Variants in RBFOX1 observed in about 807,000 individuals in gnomAD.
The protein encoded by RBFOX1 is RNA binding protein fox-1 homolog 1.
A neutral mutation model predicts 57.7 loss-of-function variants in RBFOX1; 8 were observed. The ratio of observed to expected loss-of-function variants is 0.14; its 90% CI spans 0.08 to 0.25. The LOEUF (loss-of-function observed/expected upper bound fraction) is 0.25. RBFOX1 is among the 10% of genes least tolerant of loss of function. The pLI is 1.00. For missense variants in RBFOX1, 611 were observed against 548.5 expected, an observed-to-expected ratio of 1.11 and a Z score of -1.14; for synonymous variants, 326 against 222.4, an observed-to-expected ratio of 1.47 and a Z score of -4.15.
In RBFOX1 at chr16:6,097,493, C is replaced by T. The variant is rs1262530256; in HGVS notation, c.-127+77501C>T. Among the ~76,000 whole-genome samples, 1 of 152,174 alleles carries T rather than the reference C, an allele frequency of 6.6e-6. No individual in the cohort carries two copies. Among genetic ancestry groups the T allele is most frequent in the Non-Finnish European group, 1.5e-5 (1 of 68,034 alleles). On this transcript the variant is annotated intron_variant, in intron 1 of 15. Transcript: ENST00000550418. The surrounding 1 kb of genome is among the most constrained non-coding windows in gnomAD (Gnocchi z 5.0). ...CCTACAGAAGCAGAATCTCTGGTGG[C>T]AGGAACCAGCAATCTGTGCTTTCAA...
At chr16:6,511,280 G>C (rs1469149248) in intron 2 of RBFOX1, among the ~76,000 whole-genome samples, 1 of 152,128 alleles carries the variant, frequency 6.6e-6, no homozygotes, top group African/African-American at 2.4e-5. Context: ...GGGAGGAATA[G>C]GCCAGTGTGC....
chr16:5,462,308 A>G (rs529349450), intron 1 of RBFOX1, among the ~76,000 whole-genome samples: 1 of 151,556 alleles, frequency 6.6e-6, no homozygotes, highest in African/African-American at 2.4e-5. Flanking sequence ...AGCTGGGACT[A>G]CAGGGGCCCG....
At chr16:7,086,534 A>T (rs2060003299) in intron 4 of RBFOX1, among the ~76,000 whole-genome samples, 1 of 152,196 alleles carries the variant, frequency 6.6e-6, no homozygotes, top group South Asian at 2.1e-4. Context: ...TTTAAAATGG[A>T]TTAAAAAGAA....
intron 4 of RBFOX1, among the ~76,000 whole-genome samples, chr16:7,304,915 GGTGTGTGTGTGT>G (rs59599069): frequency 0.022 from 3,090 of 140,520 alleles, 45 homozygotes; most frequent in African/African-American, 0.032. Flanking sequence ...TGTGTGGTGT[GGTGTGTGTGTGT>G]GTGTGTGTGT....
intron 4 of RBFOX1, among the ~76,000 whole-genome samples, chr16:7,099,743 A>C (rs548178795): frequency 6.6e-6 from 1 of 152,182 alleles, no homozygotes; most frequent in African/African-American, 2.4e-5. Flanking sequence ...AGGTGTTTCC[A>C]GGTCATAGGT....
At chr16:6,876,932 T>TC (rs2061957201) in intron 3 of RBFOX1, among the ~76,000 whole-genome samples, 1 of 152,210 alleles carries the variant, frequency 6.6e-6, no homozygotes, top group African/African-American at 2.4e-5. Context: ...TGACCTTTTT[T>TC]CAAGTTTCTC....
At chr16:5,434,485 C>A (rs1320508488) in intron 1 of RBFOX1, among the ~76,000 whole-genome samples, 2 of 151,722 alleles carry the variant, frequency 1.3e-5, no homozygotes, top group African/African-American at 4.8e-5. Context: ...CCATGCCCAG[C>A]TAATTTTTGT....
intron 1 of RBFOX1, among the ~76,000 whole-genome samples, chr16:6,291,615 G>T (rs1341314841): frequency 6.6e-6 from 1 of 152,150 alleles, no homozygotes; most frequent in Non-Finnish European, 1.5e-5. Context: ...TTGCCCGCCT[G>T]AGGCAAATGC....
intron 1 of RBFOX1, among the ~76,000 whole-genome samples, chr16:5,251,110 G>T (rs1194107489): frequency 6.9e-6 from 1 of 144,276 alleles, no homozygotes; most frequent in African/African-American, 2.5e-5. Flanking sequence ...ACTTGTCCCC[G>T]CAGACCCTGC....
intron 3 of RBFOX1, among the ~76,000 whole-genome samples, chr16:6,805,289 CA>C (rs1265670073): frequency 6.6e-6 from 1 of 151,926 alleles, no homozygotes; most frequent in Non-Finnish European, 1.5e-5. Flanking sequence ...ATGACAGGAA[CA>C]AAAAAACAAA....
intron 4 of RBFOX1, among the ~76,000 whole-genome samples, chr16:7,497,269 C>A (rs897520981): frequency 6.6e-6 from 1 of 152,140 alleles, no homozygotes; most frequent in Non-Finnish European, 1.5e-5. Context: ...TATACTCCAG[C>A]CATATTATCC....
intron 4 of RBFOX1, among the ~76,000 whole-genome samples, chr16:7,235,491 A>G (rs1210489227): frequency 2.0e-5 from 3 of 152,198 alleles, no homozygotes; most frequent in Admixed American, 6.5e-5. Context: ...AAACAAGGAG[A>G]TGCTGGTAGT....
intron 4 of RBFOX1, among the ~76,000 whole-genome samples, chr16:7,473,228 A>C (rs2150984383): frequency 6.6e-6 from 1 of 151,952 alleles, no homozygotes; most frequent in South Asian, 2.1e-4. Flanking sequence ...AAACACAAAA[A>C]CTAGCTGGGC....
rs533326352 is a variant in RBFOX1 at position 6,088,401 on chromosome 16, A to G, written c.-127+68409A>G. 3.9e-5 allele frequency among the ~76,000 whole-genome samples: 6 copies of G among 152,292 alleles called. No homozygotes were observed. In the South Asian group the frequency reaches 8.3e-4, roughly 21 times the overall value. ...ATTTAGTAATTGTCATTTGTCTATT[A>G]TTAGGTGAAATTTTCTAGCTGAATT... On this transcript the variant is annotated intron_variant, in intron 1 of 15. Coordinates refer to ENST00000550418, the MANE Select transcript of RBFOX1 (RefSeq NM_018723.4).
chr16:6,124,350 C>G (rs920487631), intron 1 of RBFOX1, among the ~76,000 whole-genome samples: 10 of 152,168 alleles, frequency 6.6e-5, no homozygotes, highest in African/African-American at 2.4e-4. Context: ...TGTCTCAGAG[C>G]TGACCCTCTG....
intron 3 of RBFOX1, among the ~76,000 whole-genome samples, chr16:6,885,196 C>T (rs1006598684): frequency 6.6e-6 from 1 of 152,170 alleles, no homozygotes; most frequent in African/African-American, 2.4e-5. Flanking sequence ...ATGACTGAGC[C>T]ATCACTTCAG....
At chr16:7,572,462 C>G (rs1271954671) in intron 5 of RBFOX1, among the ~76,000 whole-genome samples, 1 of 152,142 alleles carries the variant, frequency 6.6e-6, no homozygotes, top group African/African-American at 2.4e-5. Flanking sequence ...TGTTCCAACT[C>G]ACGGGTAGGC....
intron 1 of RBFOX1, among the ~76,000 whole-genome samples, chr16:5,461,695 C>A (rs990005684): frequency 1.3e-5 from 2 of 152,064 alleles, no homozygotes; most frequent in African/African-American, 2.4e-5. Context: ...TGGTGGGTTT[C>A]CTTGGCAGAA....
intron 3 of RBFOX1, among the ~76,000 whole-genome samples, chr16:6,723,051 G>T (rs1455356552): frequency 6.6e-6 from 1 of 152,176 alleles, no homozygotes; most frequent in Non-Finnish European, 1.5e-5. Flanking sequence ...AGCTACCCAG[G>T]CTTTGGGGAG....
Sources: allele counts gnomAD v4.1 joint callset (sites outside exome capture counted in the v4.1 genomes callset), GRCh38; gene constraint gnomAD v4.1.1; non-coding constraint Gnocchi (gnomAD v3.1); transcripts MANE v1.5; gene names NCBI Gene and HGNC (gene_info 2026-07-23, HGNC 2026-07-21).